Variants in RBFOX1 observed in about 807,000 individuals in gnomAD.
The protein encoded by RBFOX1 is RNA binding protein fox-1 homolog 1.
In RBFOX1, 8 loss-of-function variants were observed where a neutral mutation model predicts 57.7. The observed-to-expected ratio is 0.14, with a 90% CI of 0.08 to 0.25. RBFOX1 has a LOEUF of 0.25. Ranked by LOEUF, RBFOX1 falls within the 10% of genes least tolerant of loss-of-function variation. The pLI is 1.00. For synonymous variants in RBFOX1, 326 were observed against 222.4 expected (o/e 1.47, Z -4.15); for missense variants, 611 against 548.5 (o/e 1.11, Z -1.14).
At chr16:6,584,477 C>T (rs2097579111) in intron 2 of RBFOX1, among the ~76,000 whole-genome samples, 1 of 151,716 alleles carries the variant, frequency 6.6e-6, no homozygotes, top group South Asian at 2.1e-4. Flanking sequence ...CAGCAATTCT[C>T]TTGCCTTAGC....
At chr16:6,584,475 C>G (rs1213437335) in intron 2 of RBFOX1, among the ~76,000 whole-genome samples, 1 of 151,686 alleles carries the variant, frequency 6.6e-6, no homozygotes, top group African/African-American at 2.4e-5. Flanking sequence ...TCCAGCAATT[C>G]TCTTGCCTTA....
chr16:6,378,341 G>T lies in RBFOX1; in HGVS notation c.-64+61284G>T, dbSNP rs547577859. The stretch of plus-strand genomic sequence containing the variant: ...GGCCCAACAGAGAGATGGTGACCCA[G>T]ACCCTGCGATCCTGGTGCCACAATC... On this transcript the variant is annotated intron_variant, in intron 2 of 15. Transcript: ENST00000550418. 3.9e-5 allele frequency among the ~76,000 whole-genome samples: 6 copies of T among 152,328 alleles called. No individual in the cohort carries two copies. In the East Asian group the frequency reaches 1.2e-3, roughly 29 times the overall value.
At chr16:6,210,943 G>T (rs1443446100) in intron 1 of RBFOX1, among the ~76,000 whole-genome samples, 2 of 152,016 alleles carry the variant, frequency 1.3e-5, no homozygotes, top group Admixed American at 6.6e-5. Context: ...CTTTGAGGGG[G>T]CCTTGCATTC....
intron 2 of RBFOX1, among the ~76,000 whole-genome samples, chr16:6,466,758 C>G (rs1021201145): frequency 6.6e-6 from 1 of 152,030 alleles, no homozygotes; most frequent in Non-Finnish European, 1.5e-5. Context: ...TAATAGCATG[C>G]TGTTCAATGT....
At chr16:6,932,059 G>A (rs1271783558) in intron 3 of RBFOX1, among the ~76,000 whole-genome samples, 6 of 152,110 alleles carry the variant, frequency 3.9e-5, no homozygotes, top group Non-Finnish European at 7.4e-5. Flanking sequence ...TGAGGGCAGA[G>A]CCTTCATGAC....
At chr16:7,247,106 G>A (rs979610158) in intron 4 of RBFOX1, among the ~76,000 whole-genome samples, 2 of 152,152 alleles carry the variant, frequency 1.3e-5, no homozygotes, top group Non-Finnish European at 2.9e-5. Context: ...GTGTCTGCAG[G>A]TCAGCTGGCC....
chr16:6,726,833 C>T lies in RBFOX1; in HGVS notation c.-16+72183C>T, dbSNP rs28444465. Among the ~76,000 whole-genome samples the T allele has an allele frequency of 3.6e-3, 555 of 152,072 alleles. 3 individuals are homozygous for T. Among genetic ancestry groups the T allele is most frequent in the African/African-American group, 0.013 (541 of 41,486 alleles). On this transcript the variant is annotated intron_variant, in intron 3 of 15. Coordinates refer to ENST00000550418, the MANE Select transcript of RBFOX1 (RefSeq NM_018723.4). ...ATATCTGGCTAGTTTTAAGGAACAC[C>T]AAGTTCTCTCTGTGGGATGATTTGG...
At chr16:5,971,143 T>A (rs2059953766) in intron 4 of RBFOX1, among the ~76,000 whole-genome samples, 1 of 152,250 alleles carries the variant, frequency 6.6e-6, no homozygotes, top group African/African-American at 2.4e-5. Flanking sequence ...GAGGATCTAC[T>A]ATGTGCTAGG....
chr16:5,814,620 A>C (rs1417817828), intron 3 of RBFOX1, among the ~76,000 whole-genome samples: 1 of 152,182 alleles, frequency 6.6e-6, no homozygotes, highest in Non-Finnish European at 1.5e-5. Context: ...CTATCCTGCC[A>C]CCTGGCCATT....
chr16:6,831,843 T>C (rs2092730185), intron 3 of RBFOX1, among the ~76,000 whole-genome samples: 1 of 152,148 alleles, frequency 6.6e-6, no homozygotes, highest in Non-Finnish European at 1.5e-5. Context: ...TATCTCCAGC[T>C]GTGAATGCTA....
At chr16:6,172,715 G>A (rs148719103) in intron 1 of RBFOX1, among the ~76,000 whole-genome samples, 17 of 152,220 alleles carry the variant, frequency 1.1e-4, no homozygotes, top group Non-Finnish European at 2.1e-4. Flanking sequence ...CACATATAGA[G>A]TACATCACAA....
intron 4 of RBFOX1, among the ~76,000 whole-genome samples, chr16:7,411,406 A>T (rs1432446243): frequency 6.6e-6 from 1 of 152,094 alleles, no homozygotes. Context: ...TCTAAATTTC[A>T]CCCGGTCTTT....
intron 3 of RBFOX1, among the ~76,000 whole-genome samples, chr16:6,966,209 C>T (rs1009683938): frequency 3.3e-5 from 5 of 152,128 alleles, no homozygotes. Context: ...GCCTTCCCCT[C>T]TCTGTCCCAG....
chr16:6,554,778 A>C (rs1416772444), intron 2 of RBFOX1, among the ~76,000 whole-genome samples: 2 of 146,732 alleles, frequency 1.4e-5, no homozygotes, highest in African/African-American at 5.1e-5. Context: ...ACAAAGGTAC[A>C]CAGACACACA....
intron 3 of RBFOX1, among the ~76,000 whole-genome samples, chr16:5,709,823 ATATATATATATATATATATATTTTT>A (rs1353863886): frequency 8.4e-5 from 1 of 11,842 alleles, no homozygotes; most frequent in African/African-American, 4.4e-4. Context: ...ATATATATAT[ATATATATATATATATATATATTTTT>A]TTTTTTTTTT....
At chr16:5,868,985 T>C (rs1318583288) in intron 4 of RBFOX1, among the ~76,000 whole-genome samples, 2 of 152,180 alleles carry the variant, frequency 1.3e-5, no homozygotes, top group Non-Finnish European at 2.9e-5. Context: ...AAAAATTTTG[T>C]GATGTATAGG....
At chr16:6,674,347 A>AGT (rs1433856195) in intron 3 of RBFOX1, among the ~76,000 whole-genome samples, 6 of 151,482 alleles carry the variant, frequency 4.0e-5, no homozygotes, top group Non-Finnish European at 8.8e-5. Flanking sequence ...TTTGAGTCAG[A>AGT]GTCTCACTCT....
intron 3 of RBFOX1, among the ~76,000 whole-genome samples, chr16:6,960,110 G>A (rs1236932541): frequency 3.3e-5 from 5 of 152,066 alleles, no homozygotes; most frequent in African/African-American, 1.2e-4. Context: ...TGTATTGGGG[G>A]TCTGAAGAAA....
intron 2 of RBFOX1, among the ~76,000 whole-genome samples, chr16:6,555,471 A>T (rs1044483838): frequency 2.0e-5 from 3 of 152,164 alleles, no homozygotes; most frequent in African/African-American, 7.2e-5. Flanking sequence ...AGGCGGAGAC[A>T]GGCGGATCAC....
Sources: allele counts gnomAD v4.1 joint callset (sites outside exome capture counted in the v4.1 genomes callset), GRCh38; gene constraint gnomAD v4.1.1; transcripts MANE v1.5; gene names NCBI Gene and HGNC (gene_info 2026-07-23, HGNC 2026-07-21).